The following PANK1 variants were observed in gnomAD, a reference collection of about 807,000 sequenced individuals.
PANK1 encodes the protein pantothenate kinase 1.
A neutral mutation model predicts 40.1 loss-of-function variants in PANK1; 18 were observed. That is an observed-to-expected ratio of 0.45 (90% CI 0.31 to 0.67). PANK1 has a LOEUF of 0.67. Ranked by LOEUF, PANK1 falls within the 30% of genes least tolerant of loss-of-function variation. PANK1 has a pLI of 0.06. For synonymous variants in PANK1, 242 were observed against 237.7 expected, an observed-to-expected ratio of 1.02 and a Z score of -0.17; for missense variants, 457 against 599.6, an observed-to-expected ratio of 0.76 and a Z score of 2.48.
intron 6 of PANK1, among the ~76,000 whole-genome samples, 178 bp from the exon 7 acceptor site, chr10:89,584,643 T>C (rs1219930099): frequency 6.6e-6 from 1 of 152,230 alleles, no homozygotes; most frequent in Non-Finnish European, 1.5e-5. Context: ...TTATATATAT[T>C]AAATACATTC....
At chr10:89,628,191 G>A (rs1018954618) in intron 1 of PANK1, among the ~76,000 whole-genome samples, 70 of 152,248 alleles carry the variant, frequency 4.6e-4, no homozygotes, top group African/African-American at 1.7e-3. Flanking sequence ...ATACCCAAGA[G>A]AAGTGAAAAC....
At position 89,627,986 on chromosome 10, in the gene PANK1, C is replaced by T. The variant is rs76519066; in HGVS notation, c.293-15938G>A. ...TGCACATCAAAACCACAATGAGATACGACTTAAAACCCACTAAGATGGTTA... is the reference window on the plus strand; with the variant it reads ...TGCACATCAAAACCACAATGAGATATGACTTAAAACCCACTAAGATGGTTA... On this transcript the variant is annotated intron_variant, in intron 1 of 6. Transcript: ENST00000307534. Among the ~76,000 whole-genome samples the T allele has an allele frequency of 0.013, 1,998 of 152,156 alleles. 65 individuals carry two copies. In the East Asian group the frequency reaches 0.15, roughly 11 times the overall value.
Position 89,599,162 on chromosome 10 carries a change from T to C in PANK1, c.899+90A>G, listed in dbSNP as rs1023473962. On this transcript the variant is annotated intron_variant, in intron 3 of 6. Coordinates refer to ENST00000307534, the MANE Select transcript of PANK1 (RefSeq NM_148977.3). Reference sequence around the variant, plus strand: ...GCCAAGGAGGCCAAGATATTTCTTTTAAAAATGTATTCAATATAAATAACC... The same window carrying C: ...GCCAAGGAGGCCAAGATATTTCTTTCAAAAATGTATTCAATATAAATAACC... The C allele has an allele frequency of 7.1e-6, 9 of 1,269,154 alleles. No individual in the cohort carries two copies. In the African/African-American group the frequency reaches 1.4e-4, roughly 19 times the overall value. 78.6% of individuals were successfully genotyped at this position (1,269,154 alleles called of 1,614,324 possible).
At chr10:89,590,811 T>C (rs1844359182) in intron 5 of PANK1, among the ~76,000 whole-genome samples, 1 of 152,212 alleles carries the variant, frequency 6.6e-6, no homozygotes, top group African/African-American at 2.4e-5. Context: ...CAAAAGGCAG[T>C]ATTTTTAGAG....
At chr10:89,602,121 T>G (rs745460420) in intron 2 of PANK1, among the ~76,000 whole-genome samples, 3 of 152,226 alleles carry the variant, frequency 2.0e-5, no homozygotes, top group African/African-American at 7.2e-5. Context: ...TAAAAATTAA[T>G]CAGAGGTTCA....
chr10:89,612,469 T>C (rs931670214), intron 1 of PANK1, among the ~76,000 whole-genome samples: 1 of 152,202 alleles, frequency 6.6e-6, no homozygotes, highest in Non-Finnish European at 1.5e-5. Flanking sequence ...AAGAAACGGA[T>C]CTGCTTCAAT....
In PANK1 at chr10:89,606,888, GGGCCTTGC is replaced by G. The variant is rs1412809409; in HGVS notation, c.645+4800_645+4807del. 3.3e-5 allele frequency among the ~76,000 whole-genome samples: 5 copies of G among 152,346 alleles called. No homozygotes were observed. The East Asian group carries it at 9.6e-4, about 29-fold the overall frequency. ...CAGACTCTAGAGAATTGAAGAGTTA[GGGCCTTGC>G]TCTGGATTAGACTTTGGCTTAAGGG... is the stretch of plus-strand genomic sequence containing the variant. On this transcript the variant is annotated intron_variant, in intron 2 of 6. Transcript: ENST00000307534.
chr10:89,635,531 G>T (rs1420781924), intron 1 of PANK1, among the ~76,000 whole-genome samples: 1 of 152,230 alleles, frequency 6.6e-6, no homozygotes, highest in East Asian at 1.9e-4. Context: ...TTTTCAACAC[G>T]TGCTTTCTGG....
At chr10:89,631,615 C>T (rs1441138163) in intron 1 of PANK1, among the ~76,000 whole-genome samples, 1 of 152,128 alleles carries the variant, frequency 6.6e-6, no homozygotes, top group African/African-American at 2.4e-5. Flanking sequence ...TCTATATTTC[C>T]AGACAAAAAT....
intron 6 of PANK1, among the ~76,000 whole-genome samples, chr10:89,587,230 A>G (rs1419940680): frequency 6.6e-6 from 1 of 152,244 alleles, no homozygotes; most frequent in East Asian, 1.9e-4. Context: ...CTCAAGGCCA[A>G]TAAGCTACTC....
At chr10:89,636,200 A>G (rs143546356) in intron 1 of PANK1, among the ~76,000 whole-genome samples, 1 of 152,184 alleles carries the variant, frequency 6.6e-6, no homozygotes, top group Non-Finnish European at 1.5e-5. Context: ...TATGCCACAC[A>G]CTGCCCTAGT....
downstream of PANK1, chr10:89,582,356 A>G (rs370487455): frequency 1.1e-4 from 16 of 152,240 alleles, no homozygotes; most frequent in East Asian, 9.6e-4. Context: ...TCTCTTTTGT[A>G]AAAAACAGGC....
intron 1 of PANK1, among the ~76,000 whole-genome samples, chr10:89,631,027 GTA>G: frequency 6.6e-6 from 1 of 152,214 alleles, no homozygotes; most frequent in Non-Finnish European, 1.5e-5. Context: ...TTTACATGCT[GTA>G]TATAGCTGTT....
In PANK1 at chr10:89,584,439, C is replaced by T. The variant is rs768411508; in HGVS notation, c.1353G>A (p.Leu451=). Residue 451 remains leucine (L), a synonymous_variant, in exon 7 of 7, where the codon CTG becomes CTA. Transcript: ENST00000307534. ...HEGYFGAVGA[L]LELFKMTDDK ...CATCAGTCATTTTGAACAGTTCCAACAGTGCCCCAACGGCTCCAAAATAAC... is the reference window on the plus strand; with the variant it reads ...CATCAGTCATTTTGAACAGTTCCAATAGTGCCCCAACGGCTCCAAAATAAC... The T allele has an allele frequency of 2.5e-6, 4 of 1,609,506 alleles. 1 individual carries two copies. The highest frequency in any genetic ancestry group is 4.5e-5 in the East Asian group (2 of 44,836).
In PANK1 at chr10:89,606,312, C is replaced by T. The variant is rs527238428; in HGVS notation, c.645+5384G>A. Among the ~76,000 whole-genome samples, 35 of 152,294 alleles carry T rather than the reference C, an allele frequency of 2.3e-4. 1 individual carries two copies. In the South Asian group the frequency reaches 6.8e-3, roughly 30 times the overall value. On this transcript the variant is annotated intron_variant, in intron 2 of 6. Coordinates refer to ENST00000307534, the MANE Select transcript of PANK1 (RefSeq NM_148977.3). Reference sequence around the variant, plus strand: ...CTGTACTATGAAAGTCTTAGGTGGCCTCTTCTTCCAAAACAATATAAGGCT... The same window carrying T: ...CTGTACTATGAAAGTCTTAGGTGGCTTCTTCTTCCAAAACAATATAAGGCT...
Position 89,644,701 on chromosome 10 carries a change from A to G in PANK1, c.191T>C (p.Leu64Pro). The G allele has an allele frequency of 1.9e-6, 3 of 1,543,320 alleles. No homozygotes were observed. Among genetic ancestry groups the G allele is most frequent in the Non-Finnish European group, 2.6e-6 (3 of 1,151,896 alleles). ...SDAAPQRLPLLPELQPQPLLP... is the reference protein window; with the variant it reads ...SDAAPQRLPLPPELQPQPLLP... ...CAGTGGCTGCGGCTGCAGCTCCGGC[A>G]GGAGCGGGAGGCGCTGGGGCGCCGC... Residue 64 changes from leucine (L) to proline (P), a missense_variant, in exon 1 of 7, where the codon CTG becomes CCG. Leu to Pro is a moderately conservative substitution (Grantham distance 98, BLOSUM62 -3). This residue lies in a region of PANK1 where 144 missense variants were observed against 131.2 expected (regional missense o/e 1.10). Coordinates refer to ENST00000307534, the MANE Select transcript of PANK1 (RefSeq NM_148977.3).
chr10:89,614,670 G>A (rs779750035), intron 1 of PANK1, among the ~76,000 whole-genome samples: 3 of 151,988 alleles, frequency 2.0e-5, no homozygotes, highest in African/African-American at 4.8e-5. Flanking sequence ...GGTGGTGCAC[G>A]CCTGTAGTCC....
At chr10:89,588,070 G>A (rs892324748) in intron 6 of PANK1, among the ~76,000 whole-genome samples, 1 of 152,256 alleles carries the variant, frequency 6.6e-6, no homozygotes, top group Non-Finnish European at 1.5e-5. Flanking sequence ...GTGAGGACAT[G>A]TAGTATTTGT....
intron 1 of PANK1, among the ~76,000 whole-genome samples, chr10:89,631,976 G>T (rs111501209): frequency 0.094 from 13,515 of 143,256 alleles, 994 homozygotes; most frequent in East Asian, 0.27. Flanking sequence ...GTGTGTGTGT[G>T]TTTTTTTTTT....
Sources: allele counts gnomAD v4.1 joint callset (sites outside exome capture counted in the v4.1 genomes callset), GRCh38; gene constraint gnomAD v4.1.1; regional missense constraint gnomAD v4.1.1; transcripts MANE v1.5; gene names NCBI Gene and HGNC (gene_info 2026-07-23, HGNC 2026-07-21).